The following TAB2 variants were observed in gnomAD, a reference collection of about 807,000 sequenced individuals.
The protein encoded by TAB2 is TGF-beta activated kinase 1 (MAP3K7) binding protein 2, also known as TGF-beta-activated kinase 1 and MAP3K7-binding protein 2.
TAB2 carries 3 observed loss-of-function variants against 65.0 expected under a neutral mutation model. The observed-to-expected ratio is 0.05, with a 90% confidence interval of 0.02 to 0.12. The LOEUF (loss-of-function observed/expected upper bound fraction) is 0.12. TAB2 is among the 10% of genes least tolerant of loss of function. The pLI is 1.00. For missense variants in TAB2, 623 were observed against 840.3 expected, an observed-to-expected ratio of 0.74 and a Z score of 3.20; for synonymous variants, 298 against 285.1, an observed-to-expected ratio of 1.05 and a Z score of -0.46.
intron 6 of TAB2, among the ~76,000 whole-genome samples, chr6:149,403,351 C>CATATATATACATATATAT (rs1562456651): frequency 5.5e-4 from 72 of 130,164 alleles, no homozygotes; most frequent in Middle Eastern, 3.8e-3. Flanking sequence ...CACACACACA[C>CATATATATACATATATAT]ACACACACAC....
chr6:149,393,096 A>G (rs1782047691), intron 3 of TAB2, among the ~76,000 whole-genome samples: 2 of 152,226 alleles, frequency 1.3e-5, no homozygotes, highest in Non-Finnish European at 2.9e-5. Context: ...ACACATAAAA[A>G]TTCAGCCACT....
intron 1 of TAB2, among the ~76,000 whole-genome samples, chr6:149,331,532 T>C (rs993211326): frequency 2.6e-5 from 4 of 152,158 alleles, no homozygotes; most frequent in Non-Finnish European, 5.9e-5. Context: ...ATCTGTATGC[T>C]TTTTATTTCC....
At position 149,378,962 on chromosome 6, in the gene TAB2, C is replaced by T; in HGVS notation, c.1047C>T (p.Ser349=). ...TGCGTTCTTCTGGACCTCGAACCTC[C>T]AGCACTTCCTCTTCAGTCAATAGCC... ...SKLRSSGPRT[S]STSSSVNSQT... The change falls in exon 3 of 7, where the codon TCC becomes TCT. Residue 349 remains serine (S), a synonymous_variant. Coordinates refer to ENST00000637181, the MANE Select transcript of TAB2 (RefSeq NM_001292034.3). 1.9e-6 allele frequency: 3 copies of T among 1,614,196 alleles called. No individual in the cohort carries two copies. Among genetic ancestry groups the T allele is most frequent in the Non-Finnish European group, 2.5e-6 (3 of 1,180,048 alleles).
At chr6:149,343,049 A>G (rs979041587) in intron 1 of TAB2, among the ~76,000 whole-genome samples, 1 of 152,188 alleles carries the variant, frequency 6.6e-6, no homozygotes, top group Non-Finnish European at 1.5e-5. Flanking sequence ...GTAGCAAACT[A>G]ATGCAAAAAC....
intron 1 of TAB2, among the ~76,000 whole-genome samples, chr6:149,303,350 T>G (rs914812409): frequency 1.3e-5 from 2 of 152,220 alleles, no homozygotes; most frequent in Non-Finnish European, 2.9e-5. Flanking sequence ...CGGTCCCTAG[T>G]GCTAAAAATG....
At chr6:149,305,545 T>A (rs1779053067) in intron 1 of TAB2, among the ~76,000 whole-genome samples, 1 of 151,968 alleles carries the variant, frequency 6.6e-6, no homozygotes, top group South Asian at 2.1e-4. Flanking sequence ...ATAGACGAGT[T>A]GTTAGAAACT....
chr6:149,404,559 G>A (rs1432291423), intron 6 of TAB2, among the ~76,000 whole-genome samples: 7 of 152,198 alleles, frequency 4.6e-5, no homozygotes, highest in Admixed American at 1.3e-4. Flanking sequence ...TAGTAAAACA[G>A]TATGGTACTG....
chr6:149,275,316 G>A (rs1778450831), intron 1 of TAB2, among the ~76,000 whole-genome samples: 1 of 142,068 alleles, frequency 7.0e-6, no homozygotes, highest in South Asian at 2.2e-4. Flanking sequence ...AAAGAAAAGA[G>A]CACAATTATG....
chr6:149,281,203 A>C (rs1778566345), intron 1 of TAB2, among the ~76,000 whole-genome samples: 1 of 152,176 alleles, frequency 6.6e-6, no homozygotes, highest in Admixed American at 6.5e-5. Context: ...TTGAAGAGTC[A>C]TGTGAAAAAT....
intron 3 of TAB2, chr6:149,379,834 C>T (rs894312208): frequency 4.4e-6 from 2 of 453,214 alleles, no homozygotes; most frequent in African/African-American, 4.0e-5. Context: ...CTGACTTTCT[C>T]TTTAAATTTT....
chr6:149,288,799 T>G (rs537701553), intron 1 of TAB2, among the ~76,000 whole-genome samples: 1 of 152,212 alleles, frequency 6.6e-6, no homozygotes, highest in African/African-American at 2.4e-5. Flanking sequence ...ATGGGTTCCC[T>G]GCTTCTGCTC....
intron 1 of TAB2, among the ~76,000 whole-genome samples, chr6:149,272,281 A>G (rs1244442205): frequency 6.6e-6 from 1 of 152,178 alleles, no homozygotes; most frequent in Non-Finnish European, 1.5e-5. Flanking sequence ...AGATGATTTC[A>G]TTTCCTACTT....
chr6:149,306,307 G>A (rs1478295921), intron 1 of TAB2, among the ~76,000 whole-genome samples: 6 of 152,144 alleles, frequency 3.9e-5, no homozygotes, highest in African/African-American at 9.7e-5. Context: ...TTGGGAGGCT[G>A]AGGTGGGCTG....
At chr6:149,242,059 A>T (rs545629506) in intron 1 of TAB2, among the ~76,000 whole-genome samples, 1 of 152,054 alleles carries the variant, frequency 6.6e-6, no homozygotes, top group East Asian at 1.9e-4. Context: ...CCAGCTTCCC[A>T]TTAGGAAACT....
At chr6:149,357,430 A>AAAACACACACACACACAC in intron 1 of TAB2, among the ~76,000 whole-genome samples, 3 of 111,146 alleles carry the variant, frequency 2.7e-5, no homozygotes, top group Non-Finnish European at 5.4e-5. Context: ...AGAAAAAAAA[A>AAAACACACACACACACAC]ACACACACAC....
chr6:149,371,655 CAGAG>C (rs1424092669), intron 2 of TAB2, among the ~76,000 whole-genome samples: 1 of 152,032 alleles, frequency 6.6e-6, no homozygotes, highest in East Asian at 1.9e-4. Flanking sequence ...AAAAACTACA[CAGAG>C]AGTTAAATTT....
intron 6 of TAB2, among the ~76,000 whole-genome samples, chr6:149,407,275 G>T (rs1346512919): frequency 6.6e-6 from 1 of 152,132 alleles, no homozygotes; most frequent in Non-Finnish European, 1.5e-5. Context: ...ATTTTCCTTA[G>T]TATAATCTTC....
At chr6:149,222,378 G>A (rs1231731715) in intron 1 of TAB2, among the ~76,000 whole-genome samples, 1 of 152,118 alleles carries the variant, frequency 6.6e-6, no homozygotes, top group African/African-American at 2.4e-5. Context: ...AACACTTTGG[G>A]AGGCCAAGGC....
At chr6:149,351,130 GC>G (rs111723964) in intron 1 of TAB2, among the ~76,000 whole-genome samples, 18,474 of 151,982 alleles carry the variant, frequency 0.12, 1,726 homozygotes, top group East Asian at 0.51. Flanking sequence ...TTCCTCCTCA[GC>G]CCAGAGAGAT....
Sources: allele counts gnomAD v4.1 joint callset (sites outside exome capture counted in the v4.1 genomes callset), GRCh38; gene constraint gnomAD v4.1.1; transcripts MANE v1.5; gene names NCBI Gene and HGNC (gene_info 2026-07-23, HGNC 2026-07-21).